The following RBM4 variants were observed in gnomAD, a reference collection of about 807,000 sequenced individuals.
The protein encoded by RBM4 is RNA binding motif protein 4.
A neutral mutation model predicts 29.5 loss-of-function variants in RBM4; 7 were observed. The ratio of observed to expected loss-of-function variants is 0.24; its 90% CI spans 0.14 to 0.45. The LOEUF (loss-of-function observed/expected upper bound fraction) is 0.45, where lower values mean the gene tolerates loss of function less well. Ranked by LOEUF, RBM4 falls within the 20% of genes least tolerant of loss-of-function variation. The pLI is 1.00. For synonymous variants in RBM4, 220 were observed against 205.4 expected (o/e 1.07, Z -0.61); for missense variants, 387 against 502.3 (o/e 0.77, Z 2.19).
rs200039109 is a variant in RBM4, at chr11:66,644,069, G to A, written c.1032G>A (p.Leu344=). ...SQASAAARNS[L]YDMARYEREQ... ...CTTCAGCAGCCGCGCGGAATTCTCT[G>A]TACGACATGGCCCGGTATGAGCGGG... The change falls in exon 3 of 4, where the codon CTG becomes CTA. Residue 344 remains leucine, a synonymous_variant. Coordinates refer to ENST00000310092, the MANE Select transcript of RBM4 (RefSeq NM_002896.4). 261 of 1,614,052 alleles carry A rather than the reference G, an allele frequency of 1.6e-4. No homozygotes were observed. The highest frequency in any genetic ancestry group is 2.1e-4 in the Non-Finnish European group (252 of 1,180,028).
chr11:66,653,803 TTC>T (rs889725337), intron 2 of RBM4, among the ~76,000 whole-genome samples: 3 of 151,914 alleles, frequency 2.0e-5, no homozygotes, highest in Non-Finnish European at 4.4e-5. Flanking sequence ...GTTTTCTTTT[TTC>T]TCTTTTTTTT....
At chr11:66,648,289 G>A (rs550749049), downstream of RBM4, among the ~76,000 whole-genome samples, 1 of 152,200 alleles carries the variant, frequency 6.6e-6, no homozygotes, top group African/African-American at 2.4e-5. Context: ...TGGAGGCTGA[G>A]GCAAGCAGGT....
At chr11:66,665,669 CG>C (rs1035364385) in intron 2 of RBM4, 34 of 1,514,326 alleles carry the variant, frequency 2.2e-5, no homozygotes, top group Admixed American at 4.4e-5. Context: ...TCCTGTATTC[CG>C]GGGGGAAAAA....
chr11:66,643,557 G>C lies in RBM4; in HGVS notation c.520G>C (p.Glu174Gln). 6.2e-7 allele frequency: 1 copy of C among 1,614,138 alleles called. No individual in the cohort carries two copies. Residue 174 changes from glutamate to glutamine, a missense_variant, in exon 3 of 4, where the codon GAG (glutamate) becomes CAG (glutamine). Physicochemically the swap from Glu to Gln is conservative, Grantham distance 29 (BLOSUM62 2). Transcript: ENST00000310092. This position sits in a 1 kb window ranked among gnomAD's most constrained non-coding sequence, Gnocchi z 6.1. ...RCGKEGHWSK[E>Q]CPIDRSGRVA... is the part of the protein sequence containing the mutation. ...CGGGAAAGAGGGGCACTGGTCCAAAGAGTGTCCGATAGATCGTTCAGGCCG... is the reference window on the plus strand; with the variant it reads ...CGGGAAAGAGGGGCACTGGTCCAAACAGTGTCCGATAGATCGTTCAGGCCG...
At chr11:66,658,337 C>CTTTTGTTTTTTTTT (rs1938997427) in intron 2 of RBM4, among the ~76,000 whole-genome samples, 1 of 50,458 alleles carries the variant, frequency 2.0e-5, no homozygotes. Flanking sequence ...CTAGTCTGAC[C>CTTTTGTTTTTTTTT]TTTTTTTTTT....
At chr11:66,644,796 G>A (rs767140289) in intron 3 of RBM4, 3 of 754,822 alleles carry the variant, frequency 4.0e-6, no homozygotes, top group East Asian at 2.6e-4. Context: ...AGTTCCACAA[G>A]GAAGTCTGGG....
At position 66,646,159 on chromosome 11, in the gene RBM4, T is replaced by C; in HGVS notation, c.*141T>C. ...AGGAACCGTGGACCTTAATTTACCT[T>C]GCTAAGTTCAGACCTTCTCTTCCTT... On this transcript the variant is annotated 3_prime_UTR_variant, in exon 4 of 4. Coordinates refer to ENST00000310092, the MANE Select transcript of RBM4 (RefSeq NM_002896.4). The C allele has an allele frequency of 6.6e-7, 1 of 1,524,790 alleles. No individual in the cohort carries two copies. The highest frequency in any genetic ancestry group is 8.8e-7 in the Non-Finnish European group (1 of 1,140,388). 94.5% of individuals were successfully genotyped at this position (1,524,790 alleles called of 1,614,324 possible). A position where few individuals can be genotyped will look rare whatever the true frequency, so the allele number is the denominator to read the frequency against.
intron 2 of RBM4, among the ~76,000 whole-genome samples, chr11:66,660,973 C>G (rs968665271): frequency 2.0e-5 from 3 of 152,144 alleles, no homozygotes; most frequent in Non-Finnish European, 4.4e-5. Flanking sequence ...CCTAAACTTT[C>G]TAAATCTCAG....
intron 2 of RBM4, among the ~76,000 whole-genome samples, chr11:66,656,429 C>T (rs919655014): frequency 5.3e-5 from 8 of 151,944 alleles, no homozygotes; most frequent in Admixed American, 2.6e-4. Flanking sequence ...TGTGAGCCAC[C>T]GTGCCTGGCC....
downstream of RBM4, among the ~76,000 whole-genome samples, chr11:66,648,222 A>T (rs942260965): frequency 1.3e-5 from 2 of 151,982 alleles, no homozygotes; most frequent in African/African-American, 4.8e-5. Flanking sequence ...TTTATAAAAT[A>T]AAATTTTAAG....
downstream of RBM4, among the ~76,000 whole-genome samples, chr11:66,647,467 C>T (rs1022939985): frequency 3.3e-5 from 5 of 152,098 alleles, no homozygotes; most frequent in African/African-American, 9.7e-5. Context: ...CTGGGTGTTT[C>T]GTGTTCTCAT....
rs1394285531 is a variant in RBM4, at chr11:66,644,700, C to G, written c.*8+560C>G. On this transcript the variant is annotated intron_variant, in intron 3 of 3. Transcript: ENST00000310092. ...ATCTTGAAGCGTATTTCTGACATTC[C>G]TGAACCGTTCAACCCTTATGAGTTT... 3.1e-6 allele frequency: 3 copies of G among 982,830 alleles called. No homozygotes were observed. In the South Asian group the frequency reaches 1.4e-4, roughly 46 times the overall value. 60.9% of individuals were successfully genotyped at this position (982,830 alleles called of 1,614,324 possible).
At position 66,639,682 on chromosome 11, in the gene RBM4, C is replaced by T. The variant is rs369721638; in HGVS notation, c.-12-18C>T. On this transcript the variant is annotated intron_variant, in intron 1 of 3. Transcript: ENST00000310092. The stretch of plus-strand genomic sequence containing the variant: ...GGGCCTGAGGTCTTTTGTCAGATGT[C>T]TTGTTTTTCTCTCCCAGGCTCTTGT... 7.5e-6 allele frequency: 12 copies of T among 1,605,958 alleles called. No individual in the cohort carries two copies. The highest frequency in any genetic ancestry group is 2.2e-5 in the East Asian group (1 of 44,700).
At chr11:66,659,469 C>T (rs937108653) in intron 2 of RBM4, among the ~76,000 whole-genome samples, 3 of 151,622 alleles carry the variant, frequency 2.0e-5, no homozygotes, top group East Asian at 1.9e-4. Flanking sequence ...AATTTAGAGA[C>T]GGGATTTCAC....
intron 2 of RBM4, among the ~76,000 whole-genome samples, chr11:66,663,728 G>GTGTA (rs1554971428): frequency 1.4e-3 from 219 of 151,482 alleles, no homozygotes; most frequent in African/African-American, 5.1e-3. Flanking sequence ...GTGTGTGTGT[G>GTGTA]TATATATGTT....
exon 3 of RBM4, chr11:66,667,432 CACAA>C (rs1436908721): frequency 2.0e-5 from 3 of 152,100 alleles, no homozygotes; most frequent in African/African-American, 7.2e-5. Context: ...CAACAAAAAA[CACAA>C]ACAAAAATTG....
intron 3 of RBM4, 188 bp downstream of exon 3, chr11:66,644,328 A>C (rs759318306): frequency 3.7e-6 from 3 of 805,300 alleles, no homozygotes; most frequent in Non-Finnish European, 3.7e-6. Flanking sequence ...CTTGGCCCTC[A>C]TGGCTATTTT....
intron 2 of RBM4, among the ~76,000 whole-genome samples, chr11:66,651,600 G>A (rs1157223066): frequency 1.3e-5 from 2 of 152,058 alleles, no homozygotes; most frequent in East Asian, 1.9e-4. Context: ...CGCCTGCCTC[G>A]GCCTCCCAAA....
At chr11:66,639,031 G>A (rs1370779824) in intron 1 of RBM4, 1 of 151,646 alleles carries the variant, frequency 6.6e-6, no homozygotes. Context: ...CCTTATATCT[G>A]ACAGTTACAT....
Sources: gnomAD v4.1 joint callset for allele counts (sites outside exome capture counted in the v4.1 genomes callset) on GRCh38, gnomAD v4.1.1 for gene constraint, Gnocchi (gnomAD v3.1) non-coding constraint, MANE v1.5 for transcripts, NCBI Gene and HGNC (gene_info 2026-07-23, HGNC 2026-07-21) for gene names.